The following CHODL variants were observed in gnomAD, a reference collection of about 807,000 sequenced individuals.
The protein encoded by CHODL is chondrolectin.
A neutral mutation model predicts 34.5 loss-of-function variants in CHODL; 29 were observed. That is an observed-to-expected ratio of 0.84 (90% CI 0.63 to 1.15). The LOEUF is 1.15. CHODL is among the 50% of genes most tolerant of loss of function. CHODL has a pLI of 0.00. For synonymous variants in CHODL, 125 were observed against 116.1 expected (o/e 1.08, Z -0.49); for missense variants, 332 against 332.5 (o/e 1.00, Z 0.01).
chr21:18,111,460 G>A (rs972648884), intron 2 of CHODL, among the ~76,000 whole-genome samples: 14 of 152,256 alleles, frequency 9.2e-5, no homozygotes, highest in African/African-American at 2.9e-4. Flanking sequence ...AGTATTTGAT[G>A]GTACAGATTT....
chr21:18,256,229 G>C (rs1664399661), intron 1 of CHODL, among the ~76,000 whole-genome samples: 2 of 151,758 alleles, frequency 1.3e-5, no homozygotes, highest in Non-Finnish European at 1.5e-5. Flanking sequence ...TTTGTTAATT[G>C]GTTTATAAAA....
chr21:18,207,552 T>A (rs1382760257), intron 2 of CHODL, among the ~76,000 whole-genome samples: 1 of 151,954 alleles, frequency 6.6e-6, no homozygotes, highest in East Asian at 1.9e-4. Flanking sequence ...GTGAGTTTGA[T>A]ACCTTCAGAT....
chr21:18,093,740 CAAAAAATAAAA>C (rs772088739), intron 2 of CHODL, among the ~76,000 whole-genome samples: 138 of 151,710 alleles, frequency 9.1e-4, no homozygotes, highest in Non-Finnish European at 1.6e-3. Flanking sequence ...AATGGATACA[CAAAAAATAAAA>C]AGCAAGAAAT....
chr21:17,996,072 C>CATTT (rs2063846415), intron 1 of CHODL, among the ~76,000 whole-genome samples: 1 of 151,782 alleles, frequency 6.6e-6, no homozygotes, highest in African/African-American at 2.4e-5. Flanking sequence ...TTTGACTCAT[C>CATTT]ATTTATTTTT....
intron 4 of CHODL, among the ~76,000 whole-genome samples, chr21:18,262,295 A>G (rs1437335345): frequency 6.6e-6 from 1 of 152,160 alleles, no homozygotes; most frequent in Admixed American, 6.5e-5. Flanking sequence ...TGTTCTGAGA[A>G]ATGCACCATT....
At chr21:18,256,868 A>C in intron 2 of CHODL, 50 bp downstream of exon 2, 2 of 1,587,858 alleles carry the variant, frequency 1.3e-6, no homozygotes, top group Middle Eastern at 1.7e-4. Context: ...AACTCCAAAG[A>C]TAGAGGGAGG....
intron 2 of CHODL, chr21:18,099,970 A>T (rs1404115664): frequency 6.6e-6 from 1 of 152,126 alleles, no homozygotes; most frequent in Non-Finnish European, 1.5e-5. Flanking sequence ...TGTTATCCAC[A>T]TATAAAGGTG....
chr21:18,207,659 C>CTT (rs34259143), intron 2 of CHODL, among the ~76,000 whole-genome samples: 1,185 of 55,688 alleles, frequency 0.021, 82 homozygotes, highest in East Asian at 0.046. Flanking sequence ...AATCTCTCAG[C>CTT]TTTTTTTTTT....
intron 1 of CHODL, among the ~76,000 whole-genome samples, chr21:17,934,728 T>A (rs1030783885): frequency 1.4e-4 from 21 of 152,338 alleles, no homozygotes; most frequent in Non-Finnish European, 2.2e-4. Context: ...AAAATTTGCT[T>A]CCTCCCATCA....
chr21:17,965,984 T>C (rs978619740), intron 1 of CHODL, among the ~76,000 whole-genome samples: 1 of 151,728 alleles, frequency 6.6e-6, no homozygotes, highest in Non-Finnish European at 1.5e-5. Context: ...GTGGTTATGA[T>C]ACAACATGCA....
chr21:17,929,600 G>C (rs2063255148), intron 1 of CHODL, among the ~76,000 whole-genome samples: 1 of 152,226 alleles, frequency 6.6e-6, no homozygotes, highest in Non-Finnish European at 1.5e-5. Flanking sequence ...CTGACATGGG[G>C]AAGGGCTGAG....
chr21:18,015,407 T>A (rs553150499), intron 1 of CHODL, among the ~76,000 whole-genome samples: 1 of 152,270 alleles, frequency 6.6e-6, no homozygotes, highest in East Asian at 1.9e-4. Context: ...GCTTCCTATA[T>A]AGCTTGTGGG....
At chr21:18,238,263 G>A (rs1205421105) in intron 2 of CHODL, among the ~76,000 whole-genome samples, 1 of 152,014 alleles carries the variant, frequency 6.6e-6, no homozygotes, top group South Asian at 2.1e-4. Context: ...TGCTGATAAA[G>A]ACATACCCGA....
chr21:17,978,205 C>T (rs1212572353), intron 1 of CHODL, among the ~76,000 whole-genome samples: 2 of 147,458 alleles, frequency 1.4e-5, no homozygotes, highest in Non-Finnish European at 3.0e-5. Flanking sequence ...AGGTGCATTA[C>T]GAGGTCAGGA....
chr21:18,056,692 G>C (rs2064585642), intron 2 of CHODL, among the ~76,000 whole-genome samples: 1 of 151,726 alleles, frequency 6.6e-6, no homozygotes, highest in Non-Finnish European at 1.5e-5. Flanking sequence ...GTCTACTTCT[G>C]AGAGATTTCT....
intron 1 of CHODL, among the ~76,000 whole-genome samples, chr21:17,940,468 A>C (rs2063353915): frequency 6.6e-6 from 1 of 152,208 alleles, no homozygotes; most frequent in Non-Finnish European, 1.5e-5. Context: ...TTTACCATGA[A>C]GTCTGAGATG....
At chr21:18,220,239 T>C (rs901983548) in intron 2 of CHODL, among the ~76,000 whole-genome samples, 10 of 152,208 alleles carry the variant, frequency 6.6e-5, no homozygotes, top group African/African-American at 2.4e-4. Context: ...AGTCAGATTT[T>C]CGTAGGTAGC....
chr21:18,196,170 T>C (rs1054870311), intron 2 of CHODL, among the ~76,000 whole-genome samples: 1 of 152,174 alleles, frequency 6.6e-6, no homozygotes, highest in Non-Finnish European at 1.5e-5. Context: ...CAATCTCTAT[T>C]TTGAACTGTA....
At chr21:18,004,273 G>T (rs898049908) in intron 1 of CHODL, among the ~76,000 whole-genome samples, 1 of 152,116 alleles carries the variant, frequency 6.6e-6, no homozygotes, top group Non-Finnish European at 1.5e-5. Flanking sequence ...ACTCTGTTGC[G>T]ATCAAGAATA....
Sources: gnomAD v4.1 joint callset for allele counts (sites outside exome capture counted in the v4.1 genomes callset) on GRCh38, gnomAD v4.1.1 for gene constraint, MANE v1.5 for transcripts, NCBI Gene and HGNC (gene_info 2026-07-23, HGNC 2026-07-21) for gene names.